Variants in ABCA12 observed in about 807,000 individuals in gnomAD.
The protein encoded by ABCA12 is ATP binding cassette subfamily A member 12.
ABCA12 carries 156 observed loss-of-function variants against 293.5 expected under a neutral mutation model. The ratio of observed to expected loss-of-function variants is 0.53; its 90% confidence interval spans 0.47 to 0.61. The LOEUF (loss-of-function observed/expected upper bound fraction) is 0.61. Among genes scored for constraint, ABCA12 ranks in the 20% least tolerant of loss-of-function variants. ABCA12 has a pLI of 0.00. For missense variants in ABCA12, 2,797 were observed against 3,090.2 expected, an observed-to-expected ratio of 0.91 and a Z score of 2.25; for synonymous variants, 1,063 against 1,108.0, an observed-to-expected ratio of 0.96 and a Z score of 0.81.
intron 2 of ABCA12, among the ~76,000 whole-genome samples, chr2:215,081,478 CA>C (rs1242587402): frequency 1.1e-4 from 2 of 17,434 alleles, no homozygotes; most frequent in Admixed American, 9.7e-4. Flanking sequence ...GACTCTGTCT[CA>C]AAAAAAAAAA....
intron 11 of ABCA12, 142 bp from the exon 12 acceptor site, chr2:215,019,938 G>T: frequency 2.0e-6 from 2 of 1,019,652 alleles, no homozygotes; most frequent in South Asian, 1.4e-5. Context: ...TTTGGCGTTA[G>T]TTTTATTATG....
At chr2:215,113,876 G>T (rs184806042) in intron 1 of ABCA12, among the ~76,000 whole-genome samples, 1 of 152,118 alleles carries the variant, frequency 6.6e-6, no homozygotes, top group Non-Finnish European at 1.5e-5. Context: ...ATCTTAAAGC[G>T]CTGTTTATAC....
intron 23 of ABCA12, among the ~76,000 whole-genome samples, chr2:214,992,180 C>T (rs983581559): frequency 2.0e-5 from 3 of 151,982 alleles, no homozygotes; most frequent in Non-Finnish European, 2.9e-5. Flanking sequence ...CGGTGGCTCA[C>T]GCCTGTAATC....
Position 214,950,722 on chromosome 2 carries a change from C to A in ABCA12, c.6852+157G>T, listed in dbSNP as rs546122669. ...GTTTCACCATGTTGGCCAGGCTGGT[C>A]TCAAACTCTTGACCTCAAGTGATCC... On this transcript the variant is annotated intron_variant, in intron 45 of 52. Transcript: ENST00000272895. 1.3e-3 allele frequency among the ~76,000 whole-genome samples: 196 copies of A among 152,112 alleles called. 1 individual carries two copies. The highest frequency in any genetic ancestry group is 0.01 in the Middle Eastern group (3 of 294).
chr2:214,932,651 C>T lies in ABCA12; in HGVS notation c.7771G>A (p.Asp2591Asn). 5.0e-6 allele frequency: 8 copies of T among 1,613,024 alleles called. No individual in the cohort carries two copies. The highest frequency in any genetic ancestry group is 6.8e-6 in the Non-Finnish European group (8 of 1,179,322). Reference sequence around the variant, plus strand: ...TGGAAGTGTTAAGACTCCATCTGGTCATCTTGTGAGTCAACACTTATAGTG... The same window carrying T: ...TGGAAGTGTTAAGACTCCATCTGGTTATCTTGTGAGTCAACACTTATAGTG... ...GSTISVDSQD[D>N]QMES The change falls in exon 53 of 53, where the codon GAC (aspartate) becomes AAC (asparagine). Residue 2591 changes from aspartate (D) to asparagine (N), a missense_variant. Physicochemically the swap from Asp to Asn is conservative, Grantham distance 23 (BLOSUM62 1). Transcript: ENST00000272895.
At chr2:214,993,613 C>G (rs963727582) in intron 23 of ABCA12, among the ~76,000 whole-genome samples, 4 of 152,154 alleles carry the variant, frequency 2.6e-5, no homozygotes, top group African/African-American at 9.7e-5. Flanking sequence ...ATTACTACTT[C>G]CCAAGCTGAT....
chr2:214,997,864 G>C lies in ABCA12; in HGVS notation c.3180-55C>G, dbSNP rs972040152. 12 of 1,022,684 alleles carry C rather than the reference G, an allele frequency of 1.2e-5. No individual in the cohort carries two copies. In the African/African-American group the frequency reaches 1.4e-4, roughly 12 times the overall value. The allele number at this position is 1,022,684 out of a possible 1,614,324, so 63.4% of individuals were successfully genotyped here. ...AGCGACCAAAATGAACACCATACTT[G>C]CAGAGATTATAATATATAAAGAACT... is the stretch of plus-strand genomic sequence containing the variant. On this transcript the variant is annotated intron_variant, in intron 22 of 52. Transcript: ENST00000272895.
intron 48 of ABCA12, among the ~76,000 whole-genome samples, chr2:214,946,112 G>GTGAT (rs376818561): frequency 1.3e-5 from 2 of 152,024 alleles, no homozygotes; most frequent in African/African-American, 2.4e-5. Flanking sequence ...CATATTTGAG[G>GTGAT]TGATAGATAA....
intron 20 of ABCA12, 103 bp from the exon 21 acceptor site, chr2:215,001,840 A>G: frequency 9.6e-7 from 1 of 1,039,146 alleles, no homozygotes; most frequent in South Asian, 1.5e-5. Flanking sequence ...TAGATTATAA[A>G]TAACAAAAGC....
In ABCA12 at chr2:215,001,594, C is replaced by A; in HGVS notation, c.2827G>T (p.Ala943Ser). ...TCGTTGCTTTTGTAGAGCCTTTTAG[C>A]CTCTCTCTCCATTTCATCTATGGTT... ...AKTIDEMERE[A>S]KRLYKSNELF... The change falls in exon 21 of 53, where the codon GCT becomes TCT. Residue 943 changes from alanine to serine, a missense_variant. Physicochemically the swap from Ala to Ser is moderately conservative, Grantham distance 99 (BLOSUM62 1). This residue lies in a region of ABCA12 where 2,130 missense variants were observed against 2,427.0 expected (regional missense o/e 0.88). Coordinates refer to ENST00000272895, the MANE Select transcript of ABCA12 (RefSeq NM_173076.3). 1 of 1,613,692 alleles carries A rather than the reference C, an allele frequency of 6.2e-7. No homozygotes were observed.
chr2:215,099,457 A>G (rs999435795), intron 2 of ABCA12, among the ~76,000 whole-genome samples: 1 of 152,166 alleles, frequency 6.6e-6, no homozygotes, highest in African/African-American at 2.4e-5. Context: ...CATTTTAGGA[A>G]GCCAAGGCGG....
At chr2:215,054,945 A>G (rs1004719690) in intron 3 of ABCA12, among the ~76,000 whole-genome samples, 73 of 152,238 alleles carry the variant, frequency 4.8e-4, no homozygotes, top group African/African-American at 1.6e-3. Context: ...TTAGAGATAA[A>G]TACTTAAAAT....
At chr2:214,938,206 T>C (rs1282015473) in intron 50 of ABCA12, among the ~76,000 whole-genome samples, 1 of 151,480 alleles carries the variant, frequency 6.6e-6, no homozygotes, top group African/African-American at 2.4e-5. Context: ...ACATGCAGTG[T>C]TTGGTTTTCT....
At chr2:215,068,095 G>C (rs1019253837) in intron 2 of ABCA12, among the ~76,000 whole-genome samples, 2 of 152,140 alleles carry the variant, frequency 1.3e-5, no homozygotes, top group Non-Finnish European at 2.9e-5. Flanking sequence ...AGAATGTAAA[G>C]ATTAGAGTGA....
intron 6 of ABCA12, among the ~76,000 whole-genome samples, chr2:215,048,324 C>T (rs772391922): frequency 2.6e-5 from 4 of 151,960 alleles, no homozygotes; most frequent in Non-Finnish European, 5.9e-5. Flanking sequence ...GGGTATATAC[C>T]CAGCAGAATA....
intron 8 of ABCA12, chr2:215,032,182 A>T (rs1700893227): frequency 9.0e-7 from 1 of 1,107,850 alleles, no homozygotes; most frequent in Non-Finnish European, 1.2e-6. Flanking sequence ...ATTTTATCCC[A>T]GGACCTGCAT....
At chr2:214,938,183 C>T (rs541096900) in intron 50 of ABCA12, among the ~76,000 whole-genome samples, 1 of 151,870 alleles carries the variant, frequency 6.6e-6, no homozygotes, top group East Asian at 1.9e-4. Context: ...TCAACTCCCA[C>T]TTATGAGTGA....
chr2:214,987,318 C>T (rs534813814), intron 27 of ABCA12, among the ~76,000 whole-genome samples: 22 of 152,196 alleles, frequency 1.4e-4, no homozygotes, highest in Admixed American at 5.9e-4. Context: ...CTTGGTTACC[C>T]CTTATGACTG....
At chr2:215,048,255 T>C (rs59855431) in intron 6 of ABCA12, among the ~76,000 whole-genome samples, 16,564 of 152,062 alleles carry the variant, frequency 0.11, 2,665 homozygotes, top group African/African-American at 0.35. Flanking sequence ...GAAAACAGTG[T>C]GGTGATTCCT....
Sources: allele counts gnomAD v4.1 joint callset (sites outside exome capture counted in the v4.1 genomes callset), GRCh38; gene constraint gnomAD v4.1.1; regional missense constraint gnomAD v4.1.1; transcripts MANE v1.5; gene names NCBI Gene and HGNC (gene_info 2026-07-23, HGNC 2026-07-21).